Variants in CCNJL observed in about 807,000 individuals in gnomAD.
CCNJL encodes the protein cyclin J like.
A neutral mutation model predicts 33.4 loss-of-function variants in CCNJL; 33 were observed. The ratio of observed to expected loss-of-function variants is 0.99; its 90% CI spans 0.75 to 1.32. The LOEUF is 1.32. CCNJL is among the 40% of genes most tolerant of loss of function. The probability of loss-of-function intolerance (pLI) is 0.00; values close to 1 mark genes in which losing one functional copy is unlikely to be tolerated. For missense variants in CCNJL, 512 were observed against 499.7 expected, an observed-to-expected ratio of 1.02 and a Z score of -0.23; for synonymous variants, 227 against 220.9, an observed-to-expected ratio of 1.03 and a Z score of -0.24.
At chr5:160,303,791 C>T (rs564060663) in intron 2 of CCNJL, among the ~76,000 whole-genome samples, 124 of 151,688 alleles carry the variant, frequency 8.2e-4, no homozygotes, top group South Asian at 1.5e-3. Flanking sequence ...CGCAGTGTCA[C>T]CTCTTTCTGC....
intron 2 of CCNJL, among the ~76,000 whole-genome samples, chr5:160,293,183 C>T (rs1325521481): frequency 6.6e-6 from 1 of 152,186 alleles, no homozygotes; most frequent in African/African-American, 2.4e-5. Context: ...CTTTGGGAGG[C>T]CGAGGCAGGC....
upstream of CCNJL, among the ~76,000 whole-genome samples, chr5:160,317,474 A>AGCAGAGGACT (rs1763392752): frequency 6.6e-6 from 1 of 152,176 alleles, no homozygotes; most frequent in Non-Finnish European, 1.5e-5. Flanking sequence ...GCATGCAGGG[A>AGCAGAGGACT]GCAGAGGAGA....
chr5:160,275,253 T>A (rs1761971802), intron 3 of CCNJL, among the ~76,000 whole-genome samples: 1 of 151,644 alleles, frequency 6.6e-6, no homozygotes, highest in South Asian at 2.1e-4. Context: ...CCTGGCTAAT[T>A]TTTGGAATTT....
intron 3 of CCNJL, among the ~76,000 whole-genome samples, chr5:160,276,878 G>C (rs962796590): frequency 6.6e-6 from 1 of 151,884 alleles, no homozygotes; most frequent in East Asian, 1.9e-4. Flanking sequence ...CTGCTTCCCA[G>C]GCTCAAGCAA....
chr5:160,328,861 G>C (rs28542412), intron 1 of CCNJL, among the ~76,000 whole-genome samples: 90,655 of 150,890 alleles, frequency 0.6, 27,341 homozygotes, highest in Middle Eastern at 0.69. Context: ...GCCTGGGCAA[G>C]AGAGCGAGAC....
intron 2 of CCNJL, among the ~76,000 whole-genome samples, 159 bp downstream of exon 2, chr5:160,311,699 C>G (rs1216067931): frequency 6.6e-6 from 1 of 152,112 alleles, no homozygotes; most frequent in African/African-American, 2.4e-5. Flanking sequence ...CCCCCGCCCC[C>G]CAATTCCGCT....
intron 2 of CCNJL, among the ~76,000 whole-genome samples, chr5:160,297,247 C>T (rs551485862): frequency 1.8e-4 from 28 of 152,312 alleles, no homozygotes; most frequent in Middle Eastern, 3.4e-3. Context: ...GCAGATTACA[C>T]ATGAGGCTCA....
At chr5:160,311,822 C>T in intron 2 of CCNJL, 36 bp downstream of exon 2, 1 of 1,596,146 alleles carries the variant, frequency 6.3e-7, no homozygotes, top group Middle Eastern at 1.7e-4. Context: ...AGACTGTACC[C>T]AGTCTTGAGA....
upstream of CCNJL, among the ~76,000 whole-genome samples, chr5:160,314,230 A>G (rs1288743730): frequency 6.6e-6 from 1 of 152,246 alleles, no homozygotes; most frequent in Non-Finnish European, 1.5e-5. Flanking sequence ...CTTAAAGCAT[A>G]TTGCAACACT....
At chr5:160,282,976 T>TATATATACATATATAC (rs1762270613) in intron 2 of CCNJL, among the ~76,000 whole-genome samples, 2 of 49,822 alleles carry the variant, frequency 4.0e-5, no homozygotes, top group Non-Finnish European at 6.8e-5. Context: ...AATATATATA[T>TATATATACATATATAC]ATATATATAT....
chr5:160,276,387 C>T (rs58686609), intron 3 of CCNJL: 9,136 of 149,042 alleles, frequency 0.061, 391 homozygotes, highest in South Asian at 0.23. Flanking sequence ...TGCACTTCAG[C>T]CTGGGCGATA....
chr5:160,274,586 C>G (rs1761947490), intron 3 of CCNJL, among the ~76,000 whole-genome samples: 1 of 152,222 alleles, frequency 6.6e-6, no homozygotes, highest in African/African-American at 2.4e-5. Context: ...GGGGGCTTTC[C>G]CACCCCCCTG....
intron 5 of CCNJL, 103 bp from the exon 6 acceptor site, chr5:160,253,901 G>A (rs757014993): frequency 3.3e-5 from 28 of 855,642 alleles, no homozygotes; most frequent in Admixed American, 3.0e-5. Context: ...AGATGCGTGT[G>A]TCCTGTGTCC....
At chr5:160,272,315 T>C (rs761900171) in intron 3 of CCNJL, among the ~76,000 whole-genome samples, 8 of 152,114 alleles carry the variant, frequency 5.3e-5, no homozygotes, top group Non-Finnish European at 8.8e-5. Flanking sequence ...AGGGGAGTGA[T>C]GCTGGTTTAC....
chr5:160,249,818 T>A lies in CCNJL; in HGVS notation c.*3560A>T, dbSNP rs1475031074. ...TAAATAAATAAATAAAATAAAAATTTAAAAAATCAAACTAAACTGGGGAGT... is the reference window on the plus strand; with the variant it reads ...TAAATAAATAAATAAAATAAAAATTAAAAAAATCAAACTAAACTGGGGAGT... On this transcript the variant is annotated 3_prime_UTR_variant, in exon 6 of 6. Transcript: ENST00000257536. 8.0e-5 allele frequency: 12 copies of A among 150,506 alleles called. No individual in the cohort carries two copies. The South Asian group carries it at 1.5e-3, about 18-fold the overall frequency. 9.3% of individuals were successfully genotyped at this position (150,506 alleles called of 1,614,324 possible). A position where few individuals can be genotyped will look rare whatever the true frequency, so the allele number is the denominator to read the frequency against.
chr5:160,260,502 T>C (rs1761273265), intron 3 of CCNJL, among the ~76,000 whole-genome samples: 1 of 152,130 alleles, frequency 6.6e-6, no homozygotes. Flanking sequence ...CAGGTTATCC[T>C]ACCCACGGGT....
chr5:160,311,082 C>T (rs1314356627), intron 2 of CCNJL, among the ~76,000 whole-genome samples: 1 of 152,108 alleles, frequency 6.6e-6, no homozygotes, highest in African/African-American at 2.4e-5. Flanking sequence ...GGACTGGAGG[C>T]AAGACACACA....
Position 160,253,014 on chromosome 5 carries a change from A to G in CCNJL, c.*364T>C, listed in dbSNP as rs570569357. 4.9e-4 allele frequency: 92 copies of G among 186,126 alleles called. No homozygotes were observed. Among genetic ancestry groups the G allele is most frequent in the African/African-American group, 2.1e-3 (88 of 42,850 alleles). 11.5% of individuals were successfully genotyped at this position (186,126 alleles called of 1,614,324 possible). On this transcript the variant is annotated 3_prime_UTR_variant, in exon 6 of 6. Transcript: ENST00000257536. The stretch of plus-strand genomic sequence containing the variant: ...AGCTGCCATCAGCAAAGAATAGAAA[A>G]GTCTTTAATGCTAAAAACTGGACAT...
chr5:160,258,643 C>A, intron 4 of CCNJL: 1 of 987,176 alleles, frequency 1.0e-6, no homozygotes, highest in Non-Finnish European at 1.6e-6. Context: ...AAACCTGAAA[C>A]AATCTTAAGA....
Sources: gnomAD v4.1 joint callset for allele counts (sites outside exome capture counted in the v4.1 genomes callset) on GRCh38, gnomAD v4.1.1 for gene constraint, MANE v1.5 for transcripts, NCBI Gene and HGNC (gene_info 2026-07-23, HGNC 2026-07-21) for gene names.